Variants in TAP2 observed in about 807,000 individuals in gnomAD.
The protein encoded by TAP2 is transporter 2, ATP binding cassette subfamily B member.
Under a neutral mutation model 74.7 loss-of-function variants are expected in TAP2, and 49 were observed. The ratio of observed to expected loss-of-function variants is 0.66; its 90% CI spans 0.52 to 0.83. The LOEUF (loss-of-function observed/expected upper bound fraction) is 0.83. Ranked by LOEUF, TAP2 falls within the 40% of genes least tolerant of loss-of-function variation. TAP2 has a pLI of 0.00. For missense variants in TAP2, 739 were observed against 859.0 expected (o/e 0.86, Z 1.75); for synonymous variants, 306 against 368.4 (o/e 0.83, Z 1.94).
In TAP2 at chr6:32,828,811, T is replaced by C. The variant is rs1457756543; in HGVS notation, c.*95A>G. 1 of 1,466,772 alleles carries C rather than the reference T, an allele frequency of 6.8e-7. No homozygotes were observed. Among genetic ancestry groups the C allele is most frequent in the Non-Finnish European group, 9.1e-7 (1 of 1,103,198 alleles). The allele number at this position is 1,466,772 out of a possible 1,614,324, so 90.9% of individuals were successfully genotyped here. A position where few individuals can be genotyped will look rare whatever the true frequency, so the allele number is the denominator to read the frequency against. On this transcript the variant is annotated 3_prime_UTR_variant, in exon 12 of 12. Coordinates refer to ENST00000374897, the MANE Select transcript of TAP2 (RefSeq NM_001290043.2). ...AACTCAAAGCAGGAACAGCTCTGGG[T>C]CCTGGAGACGCCCCTGAGAAGAGGG...
Position 32,827,053 on chromosome 6 carries a change from C to A in TAP2, c.*1853G>T. The A allele has an allele frequency of 1.0e-6, 1 of 985,602 alleles. No individual in the cohort carries two copies. Among genetic ancestry groups the A allele is most frequent in the Non-Finnish European group, 1.2e-6 (1 of 829,954 alleles). The allele number at this position is 985,602 out of a possible 1,614,324, so 61.1% of individuals were successfully genotyped here. A position where few individuals can be genotyped will look rare whatever the true frequency, so the allele number is the denominator to read the frequency against. Reference sequence around the variant, plus strand: ...GCCCCAGGATGAAAGAAAGGCAAATCTGCACAAGAAACTGCCCACTCTCAC... The same window carrying A: ...GCCCCAGGATGAAAGAAAGGCAAATATGCACAAGAAACTGCCCACTCTCAC... On this transcript the variant is annotated 3_prime_UTR_variant, in exon 12 of 12. Coordinates refer to ENST00000374897, the MANE Select transcript of TAP2 (RefSeq NM_001290043.2).
Position 32,829,972 on chromosome 6 carries a change from C to T in TAP2, c.1753G>A (p.Ala585Thr), listed in dbSNP as rs753393321. 6.2e-6 allele frequency: 10 copies of T among 1,613,114 alleles called. No homozygotes were observed. Among genetic ancestry groups the T allele is most frequent in the South Asian group, 1.1e-5 (1 of 91,088 alleles). ...TCCATTTCCTGGATGAAGTCATCTG[C>T]GTGGGCAGCCTGGGCAGCCGCCATC... is the stretch of plus-strand genomic sequence containing the variant. ...KVMAAAQAAH[A>T]DDFIQEMEHG... The change falls in exon 10 of 12, where the codon GCA (alanine) becomes ACA (threonine). Residue 585 changes from alanine (A) to threonine (T), a missense_variant. By Grantham distance (58) the Ala-to-Thr change is moderately conservative. Coordinates refer to ENST00000374897, the MANE Select transcript of TAP2 (RefSeq NM_001290043.2).
chr6:32,829,159 T>C, intron 11 of TAP2, 125 bp from the exon 12 acceptor site: 1 of 1,496,032 alleles, frequency 6.7e-7, no homozygotes, highest in Non-Finnish European at 8.9e-7. Flanking sequence ...GAAAGGGCAG[T>C]AGATAAAGGC....
rs17220199 is a variant in TAP2 at position 32,838,252 on chromosome 6, G to A, written c.-4-15C>T. On this transcript the variant is annotated splice_polypyrimidine_tract_variant and intron_variant, in intron 1 of 11. Coordinates refer to ENST00000374897, the MANE Select transcript of TAP2 (RefSeq NM_001290043.2). The stretch of plus-strand genomic sequence containing the variant: ...GCCGCATGGCTCTGTCAACGGATAC[G>A]AGATGAGAAATCATGGGGGTGGAGT... 6.5e-6 allele frequency: 10 copies of A among 1,541,490 alleles called. No individual in the cohort carries two copies. In the East Asian group the frequency reaches 1.6e-4, roughly 24 times the overall value.
Position 32,829,550 on chromosome 6 carries a change from A to G in TAP2, c.1796-14T>C, listed in dbSNP as rs1373985641. ...TCTCCCCTACATCTGAGGAAATCAGAGAAATTCCCTTCCTCAGATACAAGT... is the reference window on the plus strand; with the variant it reads ...TCTCCCCTACATCTGAGGAAATCAGGGAAATTCCCTTCCTCAGATACAAGT... On this transcript the variant is annotated splice_polypyrimidine_tract_variant and intron_variant, in intron 10 of 11. Transcript: ENST00000374897. The G allele has an allele frequency of 6.2e-7, 1 of 1,614,106 alleles. No individual in the cohort carries two copies. Among genetic ancestry groups the G allele is most frequent in the Admixed American group, 1.7e-5 (1 of 60,018 alleles).
rs1236881546 is a variant in TAP2, at chr6:32,830,405, C to T, written c.1497G>A (p.Thr499=). The T allele has an allele frequency of 1.1e-5, 17 of 1,612,804 alleles. No individual in the cohort carries two copies. Among genetic ancestry groups the T allele is most frequent in the Non-Finnish European group, 1.4e-5 (16 of 1,180,034 alleles). Residue 499 remains threonine (T), a synonymous_variant, in exon 9 of 12, where the codon ACG becomes ACA. Coordinates refer to ENST00000374897, the MANE Select transcript of TAP2 (RefSeq NM_001290043.2). The part of the protein sequence containing the change: ...LTFTLRPGEV[T]ALVGPNGSGK... Reference sequence around the variant, plus strand: ...CAGACCCATTGGGTCCCACCAGCGCCGTCACCTCACCAGGACGTAGGGTAA... The same window carrying T: ...CAGACCCATTGGGTCCCACCAGCGCTGTCACCTCACCAGGACGTAGGGTAA...
In TAP2 at chr6:32,826,846, A is replaced by T; in HGVS notation, c.*2060T>A. 4 of 985,446 alleles carry T rather than the reference A, an allele frequency of 4.1e-6. No homozygotes were observed. The highest frequency in any genetic ancestry group is 4.8e-6 in the Non-Finnish European group (4 of 829,936). 61.0% of individuals were successfully genotyped at this position (985,446 alleles called of 1,614,324 possible). A position where few individuals can be genotyped will look rare whatever the true frequency, so the allele number is the denominator to read the frequency against. ...AGGAAATCAAAGAATTTCTCAGATC[A>T]TCTTCTTCTGTGAGGGCTGCAGCTT... On this transcript the variant is annotated 3_prime_UTR_variant, in exon 12 of 12. Coordinates refer to ENST00000374897, the MANE Select transcript of TAP2 (RefSeq NM_001290043.2).
downstream of TAP2, among the ~76,000 whole-genome samples, chr6:32,822,646 C>T (rs1478954851): frequency 6.6e-6 from 1 of 151,166 alleles, no homozygotes; most frequent in Non-Finnish European, 1.5e-5. Context: ...AAGCGATCCT[C>T]CCACCTCAGC....
Position 32,835,890 on chromosome 6 carries a change from G to A in TAP2, c.609-117C>T. ...CGCAAAGTCAGGGGAAAGCATGCCAGGAGGGGCAAAAGAGAAAGAAATGAG... is the reference window on the plus strand; with the variant it reads ...CGCAAAGTCAGGGGAAAGCATGCCAAGAGGGGCAAAAGAGAAAGAAATGAG... On this transcript the variant is annotated intron_variant, in intron 3 of 11. Transcript: ENST00000374897. The surrounding 1 kb of genome is among the most constrained non-coding windows in gnomAD (Gnocchi z 4.0). 1 of 1,323,412 alleles carries A rather than the reference G, an allele frequency of 7.6e-7. No homozygotes were observed. The highest frequency in any genetic ancestry group is 1.1e-6 in the Non-Finnish European group (1 of 929,950). The allele number at this position is 1,323,412 out of a possible 1,614,324, so 82.0% of individuals were successfully genotyped here. A position where few individuals can be genotyped will look rare whatever the true frequency, so the allele number is the denominator to read the frequency against.
downstream of TAP2, among the ~76,000 whole-genome samples, chr6:32,823,129 A>AG (rs969611266): frequency 3.3e-5 from 5 of 152,090 alleles, no homozygotes; most frequent in Admixed American, 6.5e-5. Context: ...CATGTTGGCC[A>AG]GGCTGCCCTC....
chr6:32,826,371 T>C lies in TAP2; in HGVS notation c.*2535A>G. 3 of 985,386 alleles carry C rather than the reference T, an allele frequency of 3.0e-6. No individual in the cohort carries two copies. Among genetic ancestry groups the C allele is most frequent in the Non-Finnish European group, 2.4e-6 (2 of 829,936 alleles). The allele number at this position is 985,386 out of a possible 1,614,324, so 61.0% of individuals were successfully genotyped here. On this transcript the variant is annotated 3_prime_UTR_variant, in exon 12 of 12. Transcript: ENST00000374897. ...ACTTTCCTTTAGAAAGAATAAGGCATGCCTGGGTGGGAAAGATACTGCAGG... is the reference window on the plus strand; with the variant it reads ...ACTTTCCTTTAGAAAGAATAAGGCACGCCTGGGTGGGAAAGATACTGCAGG...
intron 3 of TAP2, among the ~76,000 whole-genome samples, chr6:32,837,102 C>T (rs1871665): frequency 0.63 from 94,884 of 151,708 alleles, 30,330 homozygotes; most frequent in African/African-American, 0.74. Flanking sequence ...TCTTCAGGGA[C>T]TGGCAAGATG....
Position 32,827,138 on chromosome 6 carries a change from A to C in TAP2, c.*1768T>G, listed in dbSNP as rs1768703954. ...CAGGCAAGAAAAAATCCAAAACAGC[A>C]GTTCTGGGGAATTCATTGCCAGCAC... On this transcript the variant is annotated 3_prime_UTR_variant, in exon 12 of 12. Coordinates refer to ENST00000374897, the MANE Select transcript of TAP2 (RefSeq NM_001290043.2). 1 of 985,546 alleles carries C rather than the reference A, an allele frequency of 1.0e-6. No homozygotes were observed. The highest frequency in any genetic ancestry group is 1.2e-6 in the Non-Finnish European group (1 of 829,940). 61.1% of individuals were successfully genotyped at this position (985,546 alleles called of 1,614,324 possible).
At chr6:32,830,918 AAAAG>A in intron 7 of TAP2, 112 bp from the exon 8 acceptor site, 2 of 964,076 alleles carry the variant, frequency 2.1e-6, no homozygotes, top group Non-Finnish European at 3.2e-6. Flanking sequence ...CTCCATACTC[AAAAG>A]AGATTCTCCA....
chr6:32,834,143 T>C (rs1449344016), intron 5 of TAP2, among the ~76,000 whole-genome samples: 1 of 152,194 alleles, frequency 6.6e-6, no homozygotes, highest in Non-Finnish European at 1.5e-5. Flanking sequence ...TCTAAGTATA[T>C]ACCCAAAAGA....
chr6:32,830,685 T>C lies in TAP2; in HGVS notation c.1394A>G (p.Gln465Arg). ...GACGTCTTGGAATTTCACAACCCCCTGCAGAGTGGTGGGGGCAAGCGTGCC... is the reference window on the plus strand; with the variant it reads ...GACGTCTTGGAATTTCACAACCCCCCGCAGAGTGGTGGGGGCAAGCGTGCC... ...SPGTLAPTTL[Q>R]GVVKFQDVSF... The change falls in exon 8 of 12, where the codon CAG becomes CGG. Residue 465 changes from glutamine to arginine, a missense_variant. Coordinates refer to ENST00000374897, the MANE Select transcript of TAP2 (RefSeq NM_001290043.2). 2.5e-6 allele frequency: 4 copies of C among 1,613,090 alleles called. No homozygotes were observed. Among genetic ancestry groups the C allele is most frequent in the Non-Finnish European group, 3.4e-6 (4 of 1,180,030 alleles).
At position 32,835,921 on chromosome 6, in the gene TAP2, GAC is replaced by G. The variant is rs1769390688; in HGVS notation, c.609-150_609-149del. 3.2e-6 allele frequency: 3 copies of G among 932,160 alleles called. No individual in the cohort carries two copies. The highest frequency in any genetic ancestry group is 5.0e-6 in the Non-Finnish European group (3 of 604,858). The allele number at this position is 932,160 out of a possible 1,614,324, so 57.7% of individuals were successfully genotyped here. On this transcript the variant is annotated intron_variant, in intron 3 of 11. Coordinates refer to ENST00000374897, the MANE Select transcript of TAP2 (RefSeq NM_001290043.2). The surrounding 1 kb of genome is among the most constrained non-coding windows in gnomAD (Gnocchi z 4.0). ...GCAAAAGAGAAAGAAATGAGAGACA[GAC>G]ACACAGAGAGAGAAGAGGTAAGGAA...
chr6:32,831,889 A>G (rs1369961704), intron 7 of TAP2, among the ~76,000 whole-genome samples: 1 of 152,240 alleles, frequency 6.6e-6, no homozygotes, highest in Admixed American at 6.5e-5. Context: ...CTACATGGAT[A>G]CCACAAGTGG....
At chr6:32,823,072 A>G (rs1457774129), downstream of TAP2, among the ~76,000 whole-genome samples, 2 of 151,420 alleles carry the variant, frequency 1.3e-5, no homozygotes, top group Non-Finnish European at 1.5e-5. Context: ...GGCGCCCACC[A>G]CCACACCCAG....
Sources: gnomAD v4.1 joint callset for allele counts (sites outside exome capture counted in the v4.1 genomes callset) on GRCh38, gnomAD v4.1.1 for gene constraint, Gnocchi (gnomAD v3.1) non-coding constraint, MANE v1.5 for transcripts, NCBI Gene and HGNC (gene_info 2026-07-23, HGNC 2026-07-21) for gene names.